Variants in SH3BGRL2 observed in about 807,000 individuals in gnomAD.
SH3BGRL2 encodes SH3 domain binding glutamate rich protein like 2.
Under a neutral mutation model 14.8 loss-of-function variants are expected in SH3BGRL2, and 21 were observed. The observed-to-expected ratio is 1.42, with a 90% CI of 1.01 to 2.05. The LOEUF (loss-of-function observed/expected upper bound fraction) is 2.05. Among genes scored for constraint, SH3BGRL2 ranks in the 30% most tolerant of loss-of-function variants. The probability of loss-of-function intolerance (pLI) is 0.00; values close to 1 mark genes in which losing one functional copy is unlikely to be tolerated. For missense variants in SH3BGRL2, 147 were observed against 130.8 expected (o/e 1.12, Z -0.61); for synonymous variants, 50 against 47.8 (o/e 1.05, Z -0.19).
intron 1 of SH3BGRL2, among the ~76,000 whole-genome samples, chr6:79,637,546 A>T (rs1768949426): frequency 6.6e-6 from 1 of 152,154 alleles, no homozygotes; most frequent in Non-Finnish European, 1.5e-5. Context: ...TACAAAAATT[A>T]GCCTGGTATG....
At chr6:79,570,472 A>G in the SH3BGRL2 span, among the ~76,000 whole-genome samples, 1 of 152,232 alleles carries the variant, frequency 6.6e-6, no homozygotes, top group Non-Finnish European at 1.5e-5. Context: ...TCACAGAAAT[A>G]TAAAAGGTAA....
the SH3BGRL2 span, among the ~76,000 whole-genome samples, chr6:79,623,861 T>C: frequency 3.2e-4 from 48 of 152,352 alleles, 1 homozygote; most frequent in African/African-American, 1.1e-3. Context: ...TAACACTTTA[T>C]GTTTTGTTTA....
the SH3BGRL2 span, among the ~76,000 whole-genome samples, chr6:79,570,088 T>A: frequency 6.6e-6 from 1 of 152,302 alleles, no homozygotes; most frequent in East Asian, 1.9e-4. Flanking sequence ...TTAAAAATAA[T>A]CCATTTCCCC....
the SH3BGRL2 span, among the ~76,000 whole-genome samples, chr6:79,589,556 G>T: frequency 2.6e-5 from 4 of 152,000 alleles, no homozygotes; most frequent in Non-Finnish European, 5.9e-5. Flanking sequence ...GTTTATTATG[G>T]TTTATGGATG....
At chr6:79,590,423 T>A in the SH3BGRL2 span, among the ~76,000 whole-genome samples, 10,205 of 51,128 alleles carry the variant, frequency 0.2, 1,124 homozygotes, top group East Asian at 0.64. Context: ...AAAGAAAATG[T>A]GATATATATA....
intron 1 of SH3BGRL2, among the ~76,000 whole-genome samples, chr6:79,658,454 C>T (rs1035296194): frequency 6.6e-6 from 1 of 152,206 alleles, no homozygotes; most frequent in Non-Finnish European, 1.5e-5. Flanking sequence ...CATCCATGTC[C>T]CTGCAAAGCA....
chr6:79,596,479 G>A, the SH3BGRL2 span, among the ~76,000 whole-genome samples: 2 of 152,156 alleles, frequency 1.3e-5, no homozygotes, highest in South Asian at 2.1e-4. Flanking sequence ...TTTTTTTGTA[G>A]AGATAGGTTC....
At chr6:79,574,572 C>T in the SH3BGRL2 span, 1 of 151,970 alleles carries the variant, frequency 6.6e-6, no homozygotes, top group South Asian at 2.1e-4. Context: ...TCTAGTGGTC[C>T]TTCAGTTTGG....
chr6:79,576,068 GA>G, the SH3BGRL2 span, among the ~76,000 whole-genome samples: 8 of 152,006 alleles, frequency 5.3e-5, no homozygotes, highest in South Asian at 2.1e-4. Flanking sequence ...TAATCACTAT[GA>G]TAGCCTATTC....
rs1332285936 is a variant in SH3BGRL2, at chr6:79,652,462, G to A, written c.45+20956G>A. ...CAGATTGGAACATTAGTATAAGAAC[G>A]ACAGCAAACTGGTCCTTGGCCACTG... On this transcript the variant is annotated intron_variant, in intron 1 of 3. Transcript: ENST00000369838. Among the ~76,000 whole-genome samples the A allele has an allele frequency of 3.9e-5, 6 of 152,172 alleles. No individual in the cohort carries two copies. The East Asian group carries it at 5.8e-4, about 15-fold the overall frequency.
chr6:79,667,485 C>CAG (rs1019024350), intron 1 of SH3BGRL2, among the ~76,000 whole-genome samples: 2 of 150,742 alleles, frequency 1.3e-5, no homozygotes, highest in Admixed American at 1.3e-4. Flanking sequence ...CTCACTCTGT[C>CAG]GCCCAGGCTG....
the SH3BGRL2 span, among the ~76,000 whole-genome samples, chr6:79,588,004 C>T: frequency 4.6e-5 from 7 of 150,728 alleles, no homozygotes; most frequent in Admixed American, 6.6e-5. Flanking sequence ...GGCGAAACCC[C>T]GTCTACTGGC....
intron 3 of SH3BGRL2, among the ~76,000 whole-genome samples, chr6:79,697,535 C>G (rs111679588): frequency 1.3e-5 from 2 of 152,178 alleles, no homozygotes; most frequent in Non-Finnish European, 2.9e-5. Flanking sequence ...GGCAGGGACC[C>G]TCAATAACAT....
chr6:79,600,781 T>G, the SH3BGRL2 span, among the ~76,000 whole-genome samples: 1 of 152,324 alleles, frequency 6.6e-6, no homozygotes, highest in African/African-American at 2.4e-5. Context: ...AAAGCACTTA[T>G]GTCTTTCATC....
At chr6:79,591,173 C>A in the SH3BGRL2 span, among the ~76,000 whole-genome samples, 4 of 152,152 alleles carry the variant, frequency 2.6e-5, no homozygotes, top group Non-Finnish European at 5.9e-5. Flanking sequence ...GCTTCAATTT[C>A]TCATCTGTAT....
chr6:79,674,349 G>T lies in SH3BGRL2; in HGVS notation c.231+550G>T, dbSNP rs9448762. 9.4e-3 allele frequency among the ~76,000 whole-genome samples: 1,432 copies of T among 151,982 alleles called. 23 individuals are homozygous for T. The highest frequency in any genetic ancestry group is 0.033 in the African/African-American group (1,348 of 41,412). ...AAGAATATCAGTGCACCTCATATAT[G>T]AACATATATCAGGTGCTTTCCTGCT... On this transcript the variant is annotated intron_variant, in intron 2 of 3. Coordinates refer to ENST00000369838, the MANE Select transcript of SH3BGRL2 (RefSeq NM_031469.4).
At chr6:79,683,038 C>G (rs1770019128) in intron 2 of SH3BGRL2, among the ~76,000 whole-genome samples, 1 of 152,086 alleles carries the variant, frequency 6.6e-6, no homozygotes, top group African/African-American at 2.4e-5. Flanking sequence ...CATCACACAC[C>G]AGGGCCTGTC....
intron 2 of SH3BGRL2, among the ~76,000 whole-genome samples, chr6:79,689,800 C>G (rs942149373): frequency 4.6e-5 from 7 of 152,112 alleles, no homozygotes; most frequent in Admixed American, 4.6e-4. Flanking sequence ...AACATTAAGT[C>G]TCATTGTACC....
At chr6:79,549,169 A>G in the SH3BGRL2 span, among the ~76,000 whole-genome samples, 4 of 152,244 alleles carry the variant, frequency 2.6e-5, no homozygotes, top group Non-Finnish European at 5.9e-5. Flanking sequence ...GATGAGGGGC[A>G]TGGAATGAAG....
Sources: gnomAD v4.1 joint callset for allele counts (sites outside exome capture counted in the v4.1 genomes callset) on GRCh38, gnomAD v4.1.1 for gene constraint, MANE v1.5 for transcripts, NCBI Gene and HGNC (gene_info 2026-07-23, HGNC 2026-07-21) for gene names.